The following SH3RF3 variants were observed in gnomAD, a reference collection of about 807,000 sequenced individuals.
SH3RF3 encodes the protein SH3 domain containing ring finger 3.
A neutral mutation model predicts 66.3 loss-of-function variants in SH3RF3; 29 were observed. The observed-to-expected ratio is 0.44, with a 90% CI of 0.33 to 0.60. The LOEUF (loss-of-function observed/expected upper bound fraction) is 0.60. SH3RF3 is among the 20% of genes least tolerant of loss of function. The pLI, the probability that SH3RF3 is intolerant of heterozygous loss-of-function variation, is 0.04. For missense variants in SH3RF3, 1,194 were observed against 1,190.9 expected, an observed-to-expected ratio of 1.00 and a Z score of -0.04; for synonymous variants, 583 against 532.0, an observed-to-expected ratio of 1.10 and a Z score of -1.32.
chr2:109,144,044 C>T (rs115952149), intron 1 of SH3RF3, among the ~76,000 whole-genome samples: 53 of 152,162 alleles, frequency 3.5e-4, no homozygotes, highest in Non-Finnish European at 5.7e-4. Context: ...TACGAGGCGC[C>T]GGAAGTGTGG....
At chr2:109,213,391 T>C (rs1679037324) in intron 1 of SH3RF3, among the ~76,000 whole-genome samples, 1 of 152,184 alleles carries the variant, frequency 6.6e-6, no homozygotes, top group African/African-American at 2.4e-5. Flanking sequence ...GGACCAGGGC[T>C]CCTCAAACCT....
At chr2:109,150,137 A>C (rs1574475478) in intron 1 of SH3RF3, among the ~76,000 whole-genome samples, 1 of 152,168 alleles carries the variant, frequency 6.6e-6, no homozygotes, top group African/African-American at 2.4e-5. Context: ...GGTGGTGTAG[A>C]GGAAGTGGTT....
At chr2:109,349,872 G>C (rs1682801618) in intron 2 of SH3RF3, among the ~76,000 whole-genome samples, 1 of 152,242 alleles carries the variant, frequency 6.6e-6, no homozygotes, top group Non-Finnish European at 1.5e-5. Flanking sequence ...CTGAAGGCTA[G>C]AGCCCACTGG....
intron 1 of SH3RF3, among the ~76,000 whole-genome samples, chr2:109,246,872 C>T (rs1054742972): frequency 1.3e-5 from 2 of 152,136 alleles, no homozygotes; most frequent in Non-Finnish European, 2.9e-5. Context: ...TCCTTCCATT[C>T]GGTGGCACAG....
In SH3RF3 at chr2:109,238,159, G is replaced by A. The variant is rs181230206; in HGVS notation, c.573+108046G>A. Among the ~76,000 whole-genome samples the A allele has an allele frequency of 2.8e-3, 423 of 152,082 alleles. 4 individuals are homozygous for A. Among genetic ancestry groups the A allele is most frequent in the African/African-American group, 9.8e-3 (405 of 41,476 alleles). On this transcript the variant is annotated intron_variant, in intron 1 of 9. Coordinates refer to ENST00000309415, the MANE Select transcript of SH3RF3 (RefSeq NM_001099289.3). ...AGGCTGCAGTGAACCATGATCATGCGGGTGCACTCTAGCTTGGGTGACAGA... is the reference window on the plus strand; with the variant it reads ...AGGCTGCAGTGAACCATGATCATGCAGGTGCACTCTAGCTTGGGTGACAGA...
chr2:109,272,268 G>T (rs1680645130), intron 1 of SH3RF3, among the ~76,000 whole-genome samples: 1 of 152,182 alleles, frequency 6.6e-6, no homozygotes, highest in Admixed American at 6.5e-5. Flanking sequence ...TCTAGCAATT[G>T]CCCAACCAAA....
Position 109,452,169 on chromosome 2 carries a change from A to T in SH3RF3, c.2148+2680A>T, listed in dbSNP as rs558746430. ...CATTTGCAGCAGAAGAGCAGAAATG[A>T]TGGTCATTTTAGTCCACTGCTCAGA... On this transcript the variant is annotated intron_variant, in intron 8 of 9. Transcript: ENST00000309415. Among the ~76,000 whole-genome samples the T allele has an allele frequency of 2.0e-5, 3 of 152,302 alleles. No homozygotes were observed. The South Asian group carries it at 6.2e-4, about 32-fold the overall frequency.
intron 4 of SH3RF3, among the ~76,000 whole-genome samples, chr2:109,402,377 G>T (rs1472424313): frequency 1.3e-5 from 2 of 152,272 alleles, no homozygotes; most frequent in Non-Finnish European, 2.9e-5. Flanking sequence ...CCAGGATTCT[G>T]TGGTCAGTGG....
Position 109,503,024 on chromosome 2 carries a change from G to A in SH3RF3, c.*1353G>A, listed in dbSNP as rs1301729664. 6.6e-6 allele frequency: 1 copy of A among 152,180 alleles called. No individual in the cohort carries two copies. The highest frequency in any genetic ancestry group is 1.5e-5 in the Non-Finnish European group (1 of 68,060). The allele number at this position is 152,180 out of a possible 1,614,324, so 9.4% of individuals were successfully genotyped here. A position where few individuals can be genotyped will look rare whatever the true frequency, so the allele number is the denominator to read the frequency against. On this transcript the variant is annotated 3_prime_UTR_variant, in exon 10 of 10. Coordinates refer to ENST00000309415, the MANE Select transcript of SH3RF3 (RefSeq NM_001099289.3). ...GGGGAGTTGGGAGGGCGAGAGAGGAGGAGGTGCAGCTTTGATGCTGGGACC... is the reference window on the plus strand; with the variant it reads ...GGGGAGTTGGGAGGGCGAGAGAGGAAGAGGTGCAGCTTTGATGCTGGGACC...
intron 8 of SH3RF3, among the ~76,000 whole-genome samples, chr2:109,453,887 A>G (rs1309661288): frequency 6.6e-6 from 1 of 152,158 alleles, no homozygotes; most frequent in Non-Finnish European, 1.5e-5. Context: ...GGTCAGCCTG[A>G]GCAGAGGCCA....
At chr2:109,389,420 G>T (rs146471653) in intron 3 of SH3RF3, among the ~76,000 whole-genome samples, 3 of 152,216 alleles carry the variant, frequency 2.0e-5, no homozygotes. Flanking sequence ...CATCTTGACC[G>T]AGGGCATACC....
chr2:109,388,521 T>C (rs4676285), intron 3 of SH3RF3, among the ~76,000 whole-genome samples: 78,720 of 151,536 alleles, frequency 0.52, 20,839 homozygotes, highest in South Asian at 0.61. Flanking sequence ...GTCTGAAGTG[T>C]GATGTGAGTT....
At position 109,430,212 on chromosome 2, in the gene SH3RF3, C is replaced by T. The variant is rs151328694; in HGVS notation, c.1404-2289C>T. On this transcript the variant is annotated intron_variant, in intron 5 of 9. Transcript: ENST00000309415. ...TGTTGCCCATGGCCAGGAGCCAACC[C>T]GGCTGCGCATTCTGCATGTGGCCAC... Among the ~76,000 whole-genome samples, 497 of 152,346 alleles carry T rather than the reference C, an allele frequency of 3.3e-3. 3 individuals carry two copies. Among genetic ancestry groups the T allele is most frequent in the African/African-American group, 0.011 (473 of 41,570 alleles).
At chr2:109,332,719 G>A (rs1405434272) in intron 1 of SH3RF3, among the ~76,000 whole-genome samples, 1 of 152,198 alleles carries the variant, frequency 6.6e-6, no homozygotes, top group African/African-American at 2.4e-5. Flanking sequence ...GCTTCCTACA[G>A]AACATATCCA....
chr2:109,225,829 G>A (rs1017383251), intron 1 of SH3RF3, among the ~76,000 whole-genome samples: 4 of 152,182 alleles, frequency 2.6e-5, no homozygotes, highest in Admixed American at 1.3e-4. Context: ...GCAGAAGTGC[G>A]ATCCCGGCTC....
intron 1 of SH3RF3, among the ~76,000 whole-genome samples, chr2:109,246,616 A>G (rs1421037381): frequency 6.6e-6 from 1 of 152,170 alleles, no homozygotes; most frequent in Non-Finnish European, 1.5e-5. Context: ...CTTCCTTTCC[A>G]CACACAGCCA....
intron 2 of SH3RF3, among the ~76,000 whole-genome samples, chr2:109,352,544 G>C (rs1387753958): frequency 6.6e-6 from 1 of 152,220 alleles, no homozygotes. Flanking sequence ...CCGAGACGAT[G>C]AGGAAACTTT....
At chr2:109,182,644 G>A (rs976389141) in intron 1 of SH3RF3, among the ~76,000 whole-genome samples, 9 of 152,178 alleles carry the variant, frequency 5.9e-5, no homozygotes, top group Admixed American at 1.3e-4. Flanking sequence ...TGAATGAGTG[G>A]GTAAGTAATG....
At position 109,502,921 on chromosome 2, in the gene SH3RF3, G is replaced by A. The variant is rs1679431397; in HGVS notation, c.*1250G>A. 1 of 152,206 alleles carries A rather than the reference G, an allele frequency of 6.6e-6. No homozygotes were observed. The highest frequency in any genetic ancestry group is 2.1e-4 in the South Asian group (1 of 4,824). The allele number at this position is 152,206 out of a possible 1,614,324, so 9.4% of individuals were successfully genotyped here. A position where few individuals can be genotyped will look rare whatever the true frequency, so the allele number is the denominator to read the frequency against. ...TAAATAACTGCTCCCATTTCAGGCA[G>A]TGCAAACCTTCATCTGCTGGAGACC... On this transcript the variant is annotated 3_prime_UTR_variant, in exon 10 of 10. Coordinates refer to ENST00000309415, the MANE Select transcript of SH3RF3 (RefSeq NM_001099289.3).
Sources: allele counts gnomAD v4.1 joint callset (sites outside exome capture counted in the v4.1 genomes callset), GRCh38; gene constraint gnomAD v4.1.1; transcripts MANE v1.5; gene names NCBI Gene and HGNC (gene_info 2026-07-23, HGNC 2026-07-21).